ARL10: variants seen among roughly 807,000 people sequenced by gnomAD.
The protein encoded by ARL10 is ADP-ribosylation factor-like protein 10.
Under a neutral mutation model 26.1 loss-of-function variants are expected in ARL10, and 23 were observed. The ratio of observed to expected loss-of-function variants is 0.88; its 90% CI spans 0.63 to 1.25. The LOEUF (loss-of-function observed/expected upper bound fraction) is 1.25, where lower values mean the gene tolerates loss of function less well. Ranked by LOEUF, ARL10 falls within the 50% of genes most tolerant of loss-of-function variation. The probability of loss-of-function intolerance (pLI) is 0.00; values close to 1 mark genes in which losing one functional copy is unlikely to be tolerated. For missense variants in ARL10, 300 were observed against 323.6 expected (o/e 0.93, Z 0.56); for synonymous variants, 138 against 149.1 (o/e 0.93, Z 0.54).
chr5:176,396,590 C>T (rs1384382895), intron 1 of ARL10: 39 of 1,240,376 alleles, frequency 3.1e-5, no homozygotes, highest in Middle Eastern at 1.9e-4. Flanking sequence ...GCAAGACAGA[C>T]AGGCAGGCAG....
At chr5:176,384,035 T>G (rs1282830561), downstream of ARL10, 60 of 1,543,140 alleles carry the variant, frequency 3.9e-5, no homozygotes, top group Non-Finnish European at 5.1e-5. Context: ...AACCCCCAGA[T>G]GAATATAAAT....
At chr5:176,400,446 C>T (rs1756762403) in intron 1 of ARL10, among the ~76,000 whole-genome samples, 2 of 152,100 alleles carry the variant, frequency 1.3e-5, no homozygotes, top group African/African-American at 2.4e-5. Context: ...AGTCCAGGTC[C>T]CTGACTCCCA....
rs750941859 is a variant in ARL10 at position 176,366,600 on chromosome 5, C to T, written c.385+19C>T. ...CTAGAAAGTGAGCGGACACCCTACC[C>T]CATCTCCCCGTCTCCTCTACTGGAC... On this transcript the variant is annotated intron_variant, in intron 2 of 3. Transcript: ENST00000310389. 1.6e-5 allele frequency: 26 copies of T among 1,612,380 alleles called. No individual in the cohort carries two copies. Among genetic ancestry groups the T allele is most frequent in the Non-Finnish European group, 2.1e-5 (25 of 1,179,406 alleles).
chr5:176,406,786 G>A, downstream of ARL10: 1 of 1,121,878 alleles, frequency 8.9e-7, no homozygotes, highest in South Asian at 1.5e-5. Context: ...ACAGGCCAAG[G>A]TTTCTCCTCC....
rs1768247037 is a variant in ARL10 at position 176,365,507 on chromosome 5, C to T, written c.-57C>T. On this transcript the variant is annotated 5_prime_UTR_variant, in exon 1 of 4. Coordinates refer to ENST00000310389, the MANE Select transcript of ARL10 (RefSeq NM_173664.6). ...GCAGCAGTCGCAGCGGGGCCATCTTCGGCGGGCGAGTGGGCTCGGCCTGTG... is the reference window on the plus strand; with the variant it reads ...GCAGCAGTCGCAGCGGGGCCATCTTTGGCGGGCGAGTGGGCTCGGCCTGTG... 5.0e-6 allele frequency: 6 copies of T among 1,195,062 alleles called. No homozygotes were observed. The highest frequency in any genetic ancestry group is 6.3e-6 in the Non-Finnish European group (6 of 959,994). 74.0% of individuals were successfully genotyped at this position (1,195,062 alleles called of 1,614,324 possible). A position where few individuals can be genotyped will look rare whatever the true frequency, so the allele number is the denominator to read the frequency against.
At chr5:176,408,540 A>G in the ARL10 span, among the ~76,000 whole-genome samples, 2 of 140,622 alleles carry the variant, frequency 1.4e-5, no homozygotes, top group Admixed American at 7.1e-5. Context: ...CCATCTCAGG[A>G]AAAAAAAAAA....
chr5:176,388,874 C>G (rs1303224024), downstream of ARL10: 3 of 1,614,170 alleles, frequency 1.9e-6, no homozygotes, highest in Middle Eastern at 1.7e-4. Context: ...ATCGAAGCCT[C>G]CAGTCATTGA....
chr5:176,370,340 C>T (rs1192714362), intron 3 of ARL10, among the ~76,000 whole-genome samples: 1 of 152,124 alleles, frequency 6.6e-6, no homozygotes, highest in Non-Finnish European at 1.5e-5. Context: ...GCCCAGGAAC[C>T]CTCAGTATCA....
At chr5:176,387,593 T>C (rs578197037) in intron 1 of ARL10, among the ~76,000 whole-genome samples, 29 of 150,400 alleles carry the variant, frequency 1.9e-4, no homozygotes, top group African/African-American at 6.7e-4. Context: ...GTTATACCCA[T>C]TTTATAGATA....
In ARL10 at chr5:176,379,935, C is replaced by G. The variant is rs928669377; in HGVS notation, c.*8040C>G. On this transcript the variant is annotated 3_prime_UTR_variant, in exon 4 of 4. Transcript: ENST00000310389. The stretch of plus-strand genomic sequence containing the variant: ...ATTAGAGAGTCCTGAATCATAAGCT[C>G]TTATGAGGATTCTCAATTTTCCAGT... The G allele has an allele frequency of 6.6e-6, 1 of 152,168 alleles. No individual in the cohort carries two copies. Among genetic ancestry groups the G allele is most frequent in the Admixed American group, 6.5e-5 (1 of 15,276 alleles). The allele number at this position is 152,168 out of a possible 1,614,324, so 9.4% of individuals were successfully genotyped here.
rs1561792310 is a variant in ARL10, at chr5:176,397,322, A to ACAGCCCC, written c.134-4419_134-4418insCAGCCCC. 5.3e-4 allele frequency among the ~76,000 whole-genome samples: 58 copies of ACAGCCCC among 109,992 alleles called. 2 individuals carry two copies. Among genetic ancestry groups the ACAGCCCC allele is most frequent in the Non-Finnish European group, 9.1e-4 (49 of 53,916 alleles). 72.2% of individuals were successfully genotyped at this position (109,992 alleles called of 152,430 possible). On this transcript the variant is annotated intron_variant, in intron 1 of 1. Transcript: ENST00000514533. The stretch of plus-strand genomic sequence containing the variant: ...TCCCCACAGCCCCTCTCATGTCCCC[A>ACAGCCCC]TAGCCCCTCTCATGTCCCCACAGCC...
downstream of ARL10, chr5:176,406,449 C>T (rs560613075): frequency 1.8e-4 from 215 of 1,179,678 alleles, 3 homozygotes; most frequent in South Asian, 3.2e-3. Context: ...GAGGATGAGC[C>T]ACATCCTTCT....
intron 1 of ARL10, among the ~76,000 whole-genome samples, chr5:176,387,528 T>C (rs1360540928): frequency 1.3e-5 from 2 of 152,244 alleles, no homozygotes; most frequent in East Asian, 3.8e-4. Context: ...CTACCATTTC[T>C]TGAATAAATG....
At position 176,388,558 on chromosome 5, in the gene ARL10, A is replaced by C. The variant is rs752325489; in HGVS notation, c.*60A>C. On this transcript the variant is annotated 3_prime_UTR_variant, in exon 2 of 2. Transcript: ENST00000503175. Reference sequence around the variant, plus strand: ...TGGGCATCGCGCTGACCACCGCACCAGCAGCTCAAACACGCTGCCTCTGTC... The same window carrying C: ...TGGGCATCGCGCTGACCACCGCACCCGCAGCTCAAACACGCTGCCTCTGTC... The C allele has an allele frequency of 6.3e-6, 10 of 1,597,662 alleles. No individual in the cohort carries two copies. The South Asian group carries it at 1.1e-4, about 18-fold the overall frequency.
downstream of ARL10, among the ~76,000 whole-genome samples, chr5:176,402,610 C>A (rs1581434018): frequency 6.6e-6 from 1 of 152,226 alleles, no homozygotes; most frequent in South Asian, 2.1e-4. Flanking sequence ...GCAGAGGCTG[C>A]CTGTTTCCAT....
the ARL10 span, among the ~76,000 whole-genome samples, chr5:176,411,985 G>A: frequency 1.3e-5 from 2 of 151,870 alleles, no homozygotes; most frequent in Non-Finnish European, 2.9e-5. Flanking sequence ...GACCATCCTG[G>A]CTAACACGGT....
At chr5:176,414,492 C>T in the ARL10 span, among the ~76,000 whole-genome samples, 13 of 148,158 alleles carry the variant, frequency 8.8e-5, no homozygotes, top group Non-Finnish European at 1.6e-4. Flanking sequence ...AGTACAGAGA[C>T]GTGATCACAG....
intron 1 of ARL10, among the ~76,000 whole-genome samples, chr5:176,400,555 G>C (rs1285104691): frequency 6.6e-6 from 1 of 152,124 alleles, no homozygotes; most frequent in Non-Finnish European, 1.5e-5. Context: ...GGCACCCTCT[G>C]GTCTGGCAAA....
downstream of ARL10, chr5:176,384,948 AAG>A (rs1350138193): frequency 1.7e-6 from 1 of 577,226 alleles, no homozygotes; most frequent in African/African-American, 1.9e-5. Flanking sequence ...GTGACTGAGC[AAG>A]ACTCTGTCTT....
Sources: allele counts gnomAD v4.1 joint callset (sites outside exome capture counted in the v4.1 genomes callset), GRCh38; gene constraint gnomAD v4.1.1; transcripts MANE v1.5; gene names NCBI Gene and HGNC (gene_info 2026-07-23, HGNC 2026-07-21).